The following ENAH variants were observed in gnomAD, a reference collection of about 807,000 sequenced individuals.
ENAH encodes protein enabled homolog.
A neutral mutation model predicts 78.7 loss-of-function variants in ENAH; 23 were observed. The observed-to-expected ratio is 0.29, with a 90% CI of 0.21 to 0.41. The LOEUF is 0.41. Ranked by LOEUF, ENAH falls within the 10% of genes least tolerant of loss-of-function variation. The probability of loss-of-function intolerance (pLI) is 1.00; values close to 1 mark genes in which losing one functional copy is unlikely to be tolerated. For synonymous variants in ENAH, 226 were observed against 241.0 expected, an observed-to-expected ratio of 0.94 and a Z score of 0.58; for missense variants, 544 against 691.0, an observed-to-expected ratio of 0.79 and a Z score of 2.39.
chr1:225,590,139 G>A (rs1256620974), intron 1 of ENAH, among the ~76,000 whole-genome samples: 2 of 139,168 alleles, frequency 1.4e-5, no homozygotes, highest in Non-Finnish European at 3.1e-5. Flanking sequence ...ACAGCACCAA[G>A]GTTTAAACAC....
intron 1 of ENAH, among the ~76,000 whole-genome samples, chr1:225,636,891 GA>G (rs1306714533): frequency 6.6e-6 from 1 of 151,686 alleles, no homozygotes; most frequent in East Asian, 1.9e-4. Flanking sequence ...CAAAAACTAT[GA>G]AAAGAGAGAG....
chr1:225,542,444 G>GC (rs1259065730), intron 3 of ENAH, among the ~76,000 whole-genome samples: 1 of 152,114 alleles, frequency 6.6e-6, no homozygotes, highest in Non-Finnish European at 1.5e-5. Context: ...CAAAAACCAG[G>GC]ACTGTCCTAG....
intron 2 of ENAH, among the ~76,000 whole-genome samples, chr1:225,561,210 T>C (rs516323): frequency 0.91 from 138,311 of 152,286 alleles, 62,969 homozygotes; most frequent in African/African-American, 0.96. Context: ...GCCAGCCTGG[T>C]GACAGTGAGA....
In ENAH at chr1:225,571,646, C is replaced by A. The variant is rs181918319; in HGVS notation, c.6-4232G>T. On this transcript the variant is annotated intron_variant, in intron 1 of 13. Transcript: ENST00000366843. ...ACTGGAAGGCTGGAACTCAGGCCCA[C>A]ACTTCCCACCTCATTACTGCCCCCC... Among the ~76,000 whole-genome samples the A allele has an allele frequency of 8.8e-4, 134 of 152,302 alleles. 1 individual carries two copies. The highest frequency in any genetic ancestry group is 3.2e-3 in the African/African-American group (134 of 41,578).
Position 225,514,853 on chromosome 1 carries a change from G to T in ENAH, c.961C>A (p.Pro321Thr). ...LAPPPPPPLP[P>T]GPAQASVALP... ...GCTACTGAAGCCTGTGCAGGCCCTG[G>T]TGGGAGTGGTGGAGGAGGTGGAGGT... The change falls in exon 7 of 14, where the codon CCA (proline) becomes ACA (threonine). Residue 321 changes from proline to threonine, a missense_variant. Coordinates refer to ENST00000366843, the MANE Select transcript of ENAH (RefSeq NM_018212.6). The T allele has an allele frequency of 6.2e-7, 1 of 1,602,860 alleles. No homozygotes were observed. The highest frequency in any genetic ancestry group is 2.2e-5 in the East Asian group (1 of 44,652).
chr1:225,651,788 T>C lies in ENAH; in HGVS notation c.5+898A>G, dbSNP rs531309702. Reference sequence around the variant, plus strand: ...GACACAGAACAGGTTTAGGAAAGGCTGGAAAAAAAATCTCCAATGAATGAC... The same window carrying C: ...GACACAGAACAGGTTTAGGAAAGGCCGGAAAAAAAATCTCCAATGAATGAC... On this transcript the variant is annotated intron_variant, in intron 1 of 13. Transcript: ENST00000366843. 1.5e-3 allele frequency among the ~76,000 whole-genome samples: 227 copies of C among 152,256 alleles called. 1 individual carries two copies. Among genetic ancestry groups the C allele is most frequent in the South Asian group, 5.4e-3 (26 of 4,830 alleles).
At chr1:225,590,082 A>AAC (rs3050220) in intron 1 of ENAH, among the ~76,000 whole-genome samples, 18,117 of 131,312 alleles carry the variant, frequency 0.14, 1,232 homozygotes, top group East Asian at 0.19. Context: ...CTCATCACTC[A>AAC]ACACACACAC....
In ENAH at chr1:225,507,911, A is replaced by T. The variant is rs756168808; in HGVS notation, c.1538+40T>A. ...ACTAAGAATGCATTAATTTTTTTTT[A>T]TACAAATAAAATATAAAACTTAGAG... On this transcript the variant is annotated intron_variant, in intron 11 of 13. Coordinates refer to ENST00000366843, the MANE Select transcript of ENAH (RefSeq NM_018212.6). 5.8e-6 allele frequency: 8 copies of T among 1,391,252 alleles called. No individual in the cohort carries two copies. The East Asian group carries it at 1.8e-4, about 31-fold the overall frequency. 86.2% of individuals were successfully genotyped at this position (1,391,252 alleles called of 1,614,324 possible). A position where few individuals can be genotyped will look rare whatever the true frequency, so the allele number is the denominator to read the frequency against.
chr1:225,633,145 C>A (rs1160055883), intron 1 of ENAH, among the ~76,000 whole-genome samples: 2 of 151,866 alleles, frequency 1.3e-5, no homozygotes, highest in Non-Finnish European at 2.9e-5. Context: ...CAGGTTCACA[C>A]CATTCTCCTG....
chr1:225,533,637 A>G (rs1332636349), intron 3 of ENAH, among the ~76,000 whole-genome samples: 1 of 152,166 alleles, frequency 6.6e-6, no homozygotes, highest in Admixed American at 6.5e-5. Flanking sequence ...AAGAAGGTAT[A>G]TAGCAAAGTC....
intron 2 of ENAH, 60 bp downstream of exon 2, chr1:225,567,189 T>C: frequency 1.3e-6 from 2 of 1,552,690 alleles, no homozygotes; most frequent in South Asian, 1.2e-5. Flanking sequence ...TTTTACGGAA[T>C]ATGCCAAGTC....
intron 1 of ENAH, among the ~76,000 whole-genome samples, chr1:225,608,020 T>C (rs1322481498): frequency 6.6e-6 from 1 of 150,658 alleles, no homozygotes; most frequent in Non-Finnish European, 1.5e-5. Context: ...ATTTGAAAGA[T>C]AGGAATCAAA....
intron 1 of ENAH, among the ~76,000 whole-genome samples, chr1:225,603,501 G>A (rs1280807083): frequency 3.3e-5 from 5 of 152,008 alleles, no homozygotes; most frequent in Admixed American, 2.6e-4. Flanking sequence ...AAATATAACC[G>A]TGCTTTTCTC....
rs540393579 is a variant in ENAH, at chr1:225,614,397, C to T, written c.5+38289G>A. Among the ~76,000 whole-genome samples the T allele has an allele frequency of 1.2e-4, 19 of 152,158 alleles. 1 individual carries two copies. Among genetic ancestry groups the T allele is most frequent in the South Asian group, 6.2e-4 (3 of 4,816 alleles). On this transcript the variant is annotated intron_variant, in intron 1 of 13. Transcript: ENST00000366843. Reference sequence around the variant, plus strand: ...TAAAGGATACAAATGAATAGCCAGACGAAGAGACACATGGGGAAGGTCTGG... The same window carrying T: ...TAAAGGATACAAATGAATAGCCAGATGAAGAGACACATGGGGAAGGTCTGG...
At chr1:225,635,295 A>G (rs956053180) in intron 1 of ENAH, among the ~76,000 whole-genome samples, 7 of 152,150 alleles carry the variant, frequency 4.6e-5, no homozygotes, top group Non-Finnish European at 1.0e-4. Context: ...TCCTCCCATC[A>G]TAGCCTCCCA....
At chr1:225,647,023 A>G (rs980092218) in intron 1 of ENAH, among the ~76,000 whole-genome samples, 3 of 151,756 alleles carry the variant, frequency 2.0e-5, no homozygotes, top group East Asian at 2.0e-4. Flanking sequence ...TCAGGAGATC[A>G]AGACCATCCT....
intron 3 of ENAH, among the ~76,000 whole-genome samples, chr1:225,544,831 T>C (rs928773010): frequency 1.3e-5 from 2 of 152,118 alleles, no homozygotes; most frequent in Non-Finnish European, 2.9e-5. Flanking sequence ...GATATAATTA[T>C]GAAAAAATCA....
At chr1:225,624,467 T>C (rs1364489643) in intron 1 of ENAH, among the ~76,000 whole-genome samples, 5 of 151,794 alleles carry the variant, frequency 3.3e-5, no homozygotes, top group Non-Finnish European at 7.4e-5. Context: ...ATACTAAAAC[T>C]ATAAGAATTA....
intron 13 of ENAH, among the ~76,000 whole-genome samples, 166 bp downstream of exon 13, chr1:225,498,181 T>C (rs1339046102): frequency 6.6e-6 from 1 of 152,202 alleles, no homozygotes; most frequent in Non-Finnish European, 1.5e-5. Flanking sequence ...ATTTCCATTA[T>C]ATGAAGGAGA....
Sources: gnomAD v4.1 joint callset for allele counts (sites outside exome capture counted in the v4.1 genomes callset) on GRCh38, gnomAD v4.1.1 for gene constraint, MANE v1.5 for transcripts, NCBI Gene and HGNC (gene_info 2026-07-23, HGNC 2026-07-21) for gene names.